The following RANBP2 variants were observed in gnomAD, a reference collection of about 807,000 sequenced individuals.
The protein encoded by RANBP2 is RAN binding protein 2, also known as E3 SUMO-protein ligase RanBP2.
RANBP2 carries 57 observed loss-of-function variants against 303.6 expected under a neutral mutation model. The observed-to-expected ratio is 0.19, with a 90% CI of 0.15 to 0.23. The LOEUF is 0.23. Ranked by LOEUF, RANBP2 falls within the 10% of genes least tolerant of loss-of-function variation. The probability of loss-of-function intolerance (pLI) is 1.00; values close to 1 mark genes in which losing one functional copy is unlikely to be tolerated. For synonymous variants in RANBP2, 1,167 were observed against 1,301.5 expected (o/e 0.90, Z 2.23); for missense variants, 3,138 against 3,780.8 (o/e 0.83, Z 4.46).
chr2:108,889,084 AT>A, the RANBP2 span, among the ~76,000 whole-genome samples: 1 of 151,676 alleles, frequency 6.6e-6, no homozygotes, highest in African/African-American at 2.4e-5. Context: ...ATGCTGTTTA[AT>A]TTCCATGTTT....
chr2:109,415,152 G>A, the RANBP2 span, among the ~76,000 whole-genome samples: 1 of 152,122 alleles, frequency 6.6e-6, no homozygotes, highest in African/African-American at 2.4e-5. Context: ...GCAGGGAATT[G>A]GAGTCTCCTC....
At chr2:108,741,491 T>A (rs1322618131) in intron 7 of RANBP2, among the ~76,000 whole-genome samples, 1 of 111,030 alleles carries the variant, frequency 9.0e-6, no homozygotes, top group Non-Finnish European at 1.8e-5. Flanking sequence ...CCACTGCGCC[T>A]GGCCTTTTTT....
the RANBP2 span, among the ~76,000 whole-genome samples, chr2:108,837,419 C>T: frequency 1.0e-2 from 1,520 of 152,112 alleles, 10 homozygotes; most frequent in Middle Eastern, 0.034. Context: ...TTTAATATAC[C>T]GCCATGCACT....
At chr2:109,480,976 G>A in the RANBP2 span, among the ~76,000 whole-genome samples, 1 of 152,202 alleles carries the variant, frequency 6.6e-6, no homozygotes, top group Admixed American at 6.5e-5. Flanking sequence ...AGATACTTCA[G>A]CCATGGAAGG....
the RANBP2 span, among the ~76,000 whole-genome samples, chr2:108,898,093 C>G: frequency 6.6e-6 from 1 of 152,186 alleles, no homozygotes; most frequent in Non-Finnish European, 1.5e-5. Context: ...AGCAGCCTAG[C>G]AAGCATAAAA....
the RANBP2 span, among the ~76,000 whole-genome samples, chr2:109,483,387 C>T: frequency 1.3e-5 from 2 of 152,196 alleles, no homozygotes; most frequent in African/African-American, 4.8e-5. Context: ...GCCTCACTCA[C>T]TGCTTGCTAG....
At chr2:108,721,491 G>T (rs1465229926) in intron 1 of RANBP2, among the ~76,000 whole-genome samples, 1 of 152,054 alleles carries the variant, frequency 6.6e-6, no homozygotes, top group Non-Finnish European at 1.5e-5. Flanking sequence ...CACCCAGCTG[G>T]ATGCAGTGGC....
chr2:109,095,451 T>C, the RANBP2 span, among the ~76,000 whole-genome samples: 5 of 152,230 alleles, frequency 3.3e-5, no homozygotes, highest in African/African-American at 1.2e-4. Flanking sequence ...CAGAGGGTTT[T>C]AAAAATTGTC....
At chr2:109,717,272 C>CCA in the RANBP2 span, among the ~76,000 whole-genome samples, 1 of 124,796 alleles carries the variant, frequency 8.0e-6, no homozygotes, top group Admixed American at 8.2e-5. Flanking sequence ...AAAAACAAAC[C>CCA]AAAAAAAAAA....
chr2:109,643,026 A>T, the RANBP2 span, among the ~76,000 whole-genome samples: 1 of 151,984 alleles, frequency 6.6e-6, no homozygotes, highest in South Asian at 2.1e-4. Flanking sequence ...ATTTTTTTTT[A>T]AAACATTAGC....
chr2:109,439,594 A>G, the RANBP2 span, among the ~76,000 whole-genome samples: 2 of 152,160 alleles, frequency 1.3e-5, no homozygotes, highest in East Asian at 3.9e-4. Context: ...CATAGCATCC[A>G]ATATGATTTG....
At chr2:108,779,567 G>C (rs1425537263) in intron 25 of RANBP2, among the ~76,000 whole-genome samples, 1 of 152,150 alleles carries the variant, frequency 6.6e-6, no homozygotes. Flanking sequence ...TATGTATCCT[G>C]TGACATTTTT....
the RANBP2 span, among the ~76,000 whole-genome samples, chr2:109,698,309 C>T: frequency 6.6e-6 from 1 of 151,340 alleles, no homozygotes; most frequent in Non-Finnish European, 1.5e-5. Flanking sequence ...TTAAACATTT[C>T]ATTTCTCTTA....
the RANBP2 span, among the ~76,000 whole-genome samples, chr2:109,114,400 AT>A: frequency 6.6e-6 from 1 of 151,944 alleles, no homozygotes; most frequent in African/African-American, 2.4e-5. Flanking sequence ...TTTCTTCTAG[AT>A]TTTCTAGTTT....
chr2:109,400,353 TACAC>T, the RANBP2 span, among the ~76,000 whole-genome samples: 1 of 151,676 alleles, frequency 6.6e-6, no homozygotes, highest in African/African-American at 2.4e-5. Context: ...TGCACTTACA[TACAC>T]CGCCATCCAC....
the RANBP2 span, among the ~76,000 whole-genome samples, chr2:108,803,272 C>T: frequency 3.9e-5 from 6 of 152,270 alleles, no homozygotes; most frequent in Non-Finnish European, 2.9e-5. Flanking sequence ...TGTACAGGTT[C>T]GTAAACACCA....
chr2:109,516,037 T>C, the RANBP2 span, among the ~76,000 whole-genome samples: 1 of 152,202 alleles, frequency 6.6e-6, no homozygotes, highest in Admixed American at 6.5e-5. Flanking sequence ...AACTACCTGC[T>C]TAATGCTTAG....
the RANBP2 span, among the ~76,000 whole-genome samples, chr2:108,986,085 A>G: frequency 6.6e-6 from 1 of 152,178 alleles, no homozygotes; most frequent in African/African-American, 2.4e-5. Context: ...CAATGATGAA[A>G]AATTAAATAT....
chr2:109,747,415 A>G, the RANBP2 span, among the ~76,000 whole-genome samples: 5 of 147,192 alleles, frequency 3.4e-5, no homozygotes, highest in Non-Finnish European at 7.4e-5. Flanking sequence ...CAAATCAACG[A>G]CTCTAAAAAA....
Sources: gnomAD v4.1 joint callset for allele counts (sites outside exome capture counted in the v4.1 genomes callset) on GRCh38, gnomAD v4.1.1 for gene constraint, MANE v1.5 for transcripts, NCBI Gene and HGNC (gene_info 2026-07-23, HGNC 2026-07-21) for gene names.